Variants in ASTN2 observed in about 807,000 individuals in gnomAD.
The protein encoded by ASTN2 is astrotactin 2.
ASTN2 carries 54 observed loss-of-function variants against 139.8 expected under a neutral mutation model. That is an observed-to-expected ratio of 0.39 (90% CI 0.31 to 0.48). The LOEUF (loss-of-function observed/expected upper bound fraction) is 0.48. Among genes scored for constraint, ASTN2 ranks in the 20% least tolerant of loss-of-function variants. ASTN2 has a pLI of 0.95. For synonymous variants in ASTN2, 756 were observed against 719.5 expected (o/e 1.05, Z -0.81); for missense variants, 1,565 against 1,725.1 (o/e 0.91, Z 1.64).
intron 10 of ASTN2, among the ~76,000 whole-genome samples, chr9:116,920,634 C>T (rs1564341300): frequency 6.6e-6 from 1 of 152,166 alleles, no homozygotes; most frequent in African/African-American, 2.4e-5. Flanking sequence ...ACAATGTTGG[C>T]TCCATGAGGG....
chr9:116,983,711 G>C (rs1169879596), intron 7 of ASTN2, among the ~76,000 whole-genome samples: 2 of 152,154 alleles, frequency 1.3e-5, no homozygotes. Flanking sequence ...TTGATCAATG[G>C]GATGATGAGA....
chr9:116,551,989 C>CCACATA (rs1175008683), intron 19 of ASTN2: 1 of 139,518 alleles, frequency 7.2e-6, no homozygotes, highest in Non-Finnish European at 1.6e-5. Context: ...AAGTAGCCTG[C>CCACATA]CACATATACA....
chr9:117,106,787 T>C (rs1174557750), intron 4 of ASTN2, among the ~76,000 whole-genome samples: 1 of 152,152 alleles, frequency 6.6e-6, no homozygotes, highest in Non-Finnish European at 1.5e-5. Context: ...TCTATCTATC[T>C]ATCTGTCTAT....
At chr9:116,927,082 C>T (rs545818930) in intron 10 of ASTN2, among the ~76,000 whole-genome samples, 26 of 152,212 alleles carry the variant, frequency 1.7e-4, no homozygotes, top group Non-Finnish European at 3.5e-4. Context: ...CTTGAGAAGG[C>T]TAAGGAGGAG....
At chr9:116,958,511 C>T (rs577189840) in intron 10 of ASTN2, among the ~76,000 whole-genome samples, 2 of 152,200 alleles carry the variant, frequency 1.3e-5, no homozygotes, top group South Asian at 4.2e-4. Flanking sequence ...ATGGCATGAA[C>T]CCGGGAGGTG....
intron 10 of ASTN2, among the ~76,000 whole-genome samples, chr9:116,886,081 G>A (rs983299615): frequency 6.6e-6 from 1 of 152,240 alleles, no homozygotes; most frequent in Non-Finnish European, 1.5e-5. Context: ...TTAAGAGTCT[G>A]TGAGGACCTA....
At chr9:116,506,968 A>T (rs1256011755) in intron 19 of ASTN2, among the ~76,000 whole-genome samples, 1 of 151,596 alleles carries the variant, frequency 6.6e-6, no homozygotes, top group Non-Finnish European at 1.5e-5. Flanking sequence ...GCCTAGAAAA[A>T]CTCTGGGGAT....
intron 4 of ASTN2, among the ~76,000 whole-genome samples, chr9:117,116,037 C>CATAT (rs113795526): frequency 0.052 from 7,357 of 140,278 alleles, 689 homozygotes; most frequent in African/African-American, 0.18. Context: ...AAAAAAAATG[C>CATAT]ATATATATAT....
chr9:117,191,084 T>C (rs187506373), intron 3 of ASTN2, among the ~76,000 whole-genome samples: 1 of 152,220 alleles, frequency 6.6e-6, no homozygotes, highest in East Asian at 1.9e-4. Context: ...GATATTGAGC[T>C]AAACATGTAT....
chr9:117,078,545 G>C (rs1299914543), intron 5 of ASTN2, among the ~76,000 whole-genome samples: 1 of 152,140 alleles, frequency 6.6e-6, no homozygotes, highest in Non-Finnish European at 1.5e-5. Flanking sequence ...TTACAGAATT[G>C]TAGTTTATTT....
chr9:117,250,288 C>T (rs901242123), intron 2 of ASTN2, among the ~76,000 whole-genome samples: 3 of 152,170 alleles, frequency 2.0e-5, no homozygotes, highest in African/African-American at 7.2e-5. Flanking sequence ...TTTCTTTGCC[C>T]ATTGAGGCCC....
chr9:117,246,150 A>C (rs1033595590), intron 2 of ASTN2, among the ~76,000 whole-genome samples: 5 of 152,240 alleles, frequency 3.3e-5, no homozygotes, highest in African/African-American at 4.8e-5. Context: ...AACAAACAAA[A>C]AAAAGCCTTG....
chr9:116,572,197 T>G (rs1399873218), intron 19 of ASTN2, among the ~76,000 whole-genome samples: 1 of 152,196 alleles, frequency 6.6e-6, no homozygotes, highest in African/African-American at 2.4e-5. Flanking sequence ...CCTCTCTCCC[T>G]GCCTTCTCCT....
At chr9:116,434,388 C>T (rs1182779066) in intron 22 of ASTN2, among the ~76,000 whole-genome samples, 2 of 152,164 alleles carry the variant, frequency 1.3e-5, no homozygotes, top group Non-Finnish European at 2.9e-5. Context: ...TTAACACAAT[C>T]TTGGAGGAAT....
At chr9:117,233,742 G>A (rs1832964793) in intron 2 of ASTN2, among the ~76,000 whole-genome samples, 1 of 152,132 alleles carries the variant, frequency 6.6e-6, no homozygotes, top group South Asian at 2.1e-4. Flanking sequence ...GGTGATCACT[G>A]AACAGTGAGC....
At chr9:117,258,095 G>T (rs1350060410) in intron 2 of ASTN2, among the ~76,000 whole-genome samples, 1 of 152,170 alleles carries the variant, frequency 6.6e-6, no homozygotes, top group Non-Finnish European at 1.5e-5. Context: ...AGGAAGGAAC[G>T]ATTGTGGCCC....
chr9:116,686,765 C>A, intron 16 of ASTN2: 2 of 1,550,682 alleles, frequency 1.3e-6, no homozygotes, highest in South Asian at 2.4e-5. Flanking sequence ...GGCCTCCCAG[C>A]TGAGTAGGCA....
chr9:117,348,489 A>T (rs1829292453), intron 1 of ASTN2, among the ~76,000 whole-genome samples: 1 of 152,198 alleles, frequency 6.6e-6, no homozygotes, highest in Non-Finnish European at 1.5e-5. Context: ...TTCTATCGTT[A>T]AAGAAATTTA....
intron 19 of ASTN2, among the ~76,000 whole-genome samples, chr9:116,503,778 C>G (rs183225902): frequency 5.4e-4 from 82 of 152,214 alleles, no homozygotes; most frequent in African/African-American, 1.9e-3. Flanking sequence ...ATTTGTGCAG[C>G]TCATTAGGGC....
Sources: gnomAD v4.1 joint callset for allele counts (sites outside exome capture counted in the v4.1 genomes callset) on GRCh38, gnomAD v4.1.1 for gene constraint, MANE v1.5 for transcripts, NCBI Gene and HGNC (gene_info 2026-07-23, HGNC 2026-07-21) for gene names.